IQSEC1: variants seen among roughly 807,000 people sequenced by gnomAD.
IQSEC1 encodes IQ motif and SEC7 domain-containing protein 1.
In IQSEC1, 31 loss-of-function variants were observed where a neutral mutation model predicts 91.0. The observed-to-expected ratio is 0.34, with a 90% CI of 0.26 to 0.46. The LOEUF is 0.46. Ranked by LOEUF, IQSEC1 falls within the 20% of genes least tolerant of loss-of-function variation. The pLI is 1.00. For missense variants in IQSEC1, 1,388 were observed against 1,575.6 expected, an observed-to-expected ratio of 0.88 and a Z score of 2.02; for synonymous variants, 699 against 662.6, an observed-to-expected ratio of 1.05 and a Z score of -0.84.
chr3:13,125,028 C>G (rs1242380438), intron 2 of IQSEC1, among the ~76,000 whole-genome samples: 2 of 152,166 alleles, frequency 1.3e-5, no homozygotes, highest in African/African-American at 4.8e-5. Context: ...GCCAGAGGGA[C>G]CTTTTAACGC....
intron 2 of IQSEC1, among the ~76,000 whole-genome samples, chr3:13,105,512 G>C (rs1706139463): frequency 6.6e-6 from 1 of 152,166 alleles, no homozygotes. Context: ...GGTGAATCCT[G>C]AAAAACACGT....
At chr3:13,056,632 T>A (rs1704892084) in intron 1 of IQSEC1, among the ~76,000 whole-genome samples, 5 of 151,660 alleles carry the variant, frequency 3.3e-5, no homozygotes, top group Admixed American at 3.3e-4. Context: ...CCCTGCTCCC[T>A]GCTGTAACGT....
At chr3:12,958,354 C>T (rs752916682) in intron 1 of IQSEC1, among the ~76,000 whole-genome samples, 6 of 152,232 alleles carry the variant, frequency 3.9e-5, no homozygotes, top group African/African-American at 7.2e-5. Flanking sequence ...CGGCAACTGT[C>T]TGGTACCCAG....
intron 1 of IQSEC1, among the ~76,000 whole-genome samples, chr3:12,956,493 A>G (rs577176606): frequency 6.6e-6 from 1 of 152,292 alleles, no homozygotes; most frequent in South Asian, 2.1e-4. Flanking sequence ...AGTGACCACA[A>G]TCCACAATCC....
intron 1 of IQSEC1, among the ~76,000 whole-genome samples, chr3:12,964,067 G>C (rs1700406734): frequency 6.6e-6 from 1 of 152,190 alleles, no homozygotes; most frequent in South Asian, 2.1e-4. Context: ...CCAATTCAGG[G>C]TACAGCCATG....
At chr3:13,187,607 G>A (rs1693956811) in intron 1 of IQSEC1, among the ~76,000 whole-genome samples, 1 of 152,134 alleles carries the variant, frequency 6.6e-6, no homozygotes, top group Admixed American at 6.5e-5. Flanking sequence ...AGGACCTAGG[G>A]TGCTGGCCAG....
At position 12,935,362 on chromosome 3, in the gene IQSEC1, G is replaced by A. The variant is rs373351313; in HGVS notation, c.1568+86C>T. The A allele has an allele frequency of 1.6e-5, 21 of 1,348,112 alleles. No homozygotes were observed. The highest frequency in any genetic ancestry group is 2.1e-4 in the Middle Eastern group (1 of 4,816). 83.5% of individuals were successfully genotyped at this position (1,348,112 alleles called of 1,614,324 possible). On this transcript the variant is annotated intron_variant, in intron 3 of 13. Coordinates refer to ENST00000613206, the MANE Select transcript of IQSEC1 (RefSeq NM_001134382.3). This position sits in a 1 kb window ranked among gnomAD's most constrained non-coding sequence, Gnocchi z 8.0. ...TAGGCCACGGTGGACCTCAAGCTCC[G>A]TGCTTGGAAGGATGCAGCCACGCCC...
intron 1 of IQSEC1, among the ~76,000 whole-genome samples, chr3:12,958,088 T>C (rs1700025495): frequency 6.6e-6 from 1 of 152,138 alleles, no homozygotes; most frequent in African/African-American, 2.4e-5. Context: ...CTGCCTGTCA[T>C]GTTCTTACCT....
intron 1 of IQSEC1, among the ~76,000 whole-genome samples, chr3:13,165,205 T>G (rs950461770): frequency 6.6e-6 from 1 of 152,168 alleles, no homozygotes; most frequent in Non-Finnish European, 1.5e-5. Context: ...TAGAAGGACC[T>G]TGGTCTCCCT....
intron 1 of IQSEC1, among the ~76,000 whole-genome samples, chr3:13,054,972 G>A (rs1300361729): frequency 6.6e-6 from 1 of 152,252 alleles, no homozygotes; most frequent in East Asian, 1.9e-4. Flanking sequence ...CTGAGGGGCT[G>A]CTACACTGGC....
At chr3:13,203,659 C>G (rs1440425531) in intron 1 of IQSEC1, among the ~76,000 whole-genome samples, 1 of 152,190 alleles carries the variant, frequency 6.6e-6, no homozygotes. Context: ...TAGTCACACG[C>G]GCACAGAGAG....
chr3:13,195,937 T>G (rs138582405), intron 1 of IQSEC1, among the ~76,000 whole-genome samples: 224 of 152,294 alleles, frequency 1.5e-3, no homozygotes, highest in African/African-American at 4.5e-3. Flanking sequence ...GGAAACTGGG[T>G]GGAGGGGACG....
intron 2 of IQSEC1, among the ~76,000 whole-genome samples, chr3:13,162,894 G>A (rs1449412348): frequency 1.4e-5 from 2 of 140,914 alleles, no homozygotes; most frequent in African/African-American, 5.4e-5. Flanking sequence ...CCATCCCCCC[G>A]GGCATCCCCC....
chr3:12,897,694 G>A lies in IQSEC1; in HGVS notation c.*3289C>T, dbSNP rs1693782684. ...TGATATTTTACAAGGAGAACTGTAA[G>A]ACTGTGCGTGCTTACCTGCGGGCAC... On this transcript the variant is annotated 3_prime_UTR_variant, in exon 14 of 14. Transcript: ENST00000613206. 1 of 152,202 alleles carries A rather than the reference G, an allele frequency of 6.6e-6. No individual in the cohort carries two copies. The highest frequency in any genetic ancestry group is 2.4e-5 in the African/African-American group (1 of 41,442). The allele number at this position is 152,202 out of a possible 1,614,324, so 9.4% of individuals were successfully genotyped here. A position where few individuals can be genotyped will look rare whatever the true frequency, so the allele number is the denominator to read the frequency against.
At chr3:13,228,829 G>T (rs190201523) in intron 1 of IQSEC1, among the ~76,000 whole-genome samples, 1 of 152,164 alleles carries the variant, frequency 6.6e-6, no homozygotes, top group Admixed American at 6.5e-5. Context: ...TCTCGGTACC[G>T]ACAGGATCCC....
chr3:13,266,568 G>A (rs1463337477), intron 1 of IQSEC1, among the ~76,000 whole-genome samples: 2 of 151,884 alleles, frequency 1.3e-5, no homozygotes. Flanking sequence ...CTCCGATGAT[G>A]GGGAGGAAGC....
At chr3:13,255,751 G>C (rs1695274347) in intron 1 of IQSEC1, among the ~76,000 whole-genome samples, 1 of 152,022 alleles carries the variant, frequency 6.6e-6, no homozygotes, top group Non-Finnish European at 1.5e-5. Context: ...TGAGTAGCTA[G>C]AAATACAGGC....
At chr3:13,038,676 G>T (rs527756913) in intron 1 of IQSEC1, among the ~76,000 whole-genome samples, 1 of 152,146 alleles carries the variant, frequency 6.6e-6, no homozygotes, top group Non-Finnish European at 1.5e-5. Context: ...TTTGTAACTC[G>T]AAGGATAAAT....
intron 7 of IQSEC1, 50 bp from the exon 8 acceptor site, chr3:12,915,183 C>T (rs373676245): frequency 2.2e-4 from 342 of 1,578,084 alleles, no homozygotes; most frequent in Non-Finnish European, 2.7e-4. Context: ...TTCAAAGCCA[C>T]GCCCAGGCCA....
Sources: allele counts gnomAD v4.1 joint callset (sites outside exome capture counted in the v4.1 genomes callset), GRCh38; gene constraint gnomAD v4.1.1; non-coding constraint Gnocchi (gnomAD v3.1); transcripts MANE v1.5; gene names NCBI Gene and HGNC (gene_info 2026-07-23, HGNC 2026-07-21).